Variants in HMCN1 observed in about 807,000 individuals in gnomAD.
HMCN1 encodes the protein hemicentin 1.
A neutral mutation model predicts 625.9 loss-of-function variants in HMCN1; 321 were observed. The observed-to-expected ratio is 0.51, with a 90% CI of 0.47 to 0.56. The LOEUF (loss-of-function observed/expected upper bound fraction) is 0.56. Ranked by LOEUF, HMCN1 falls within the 20% of genes least tolerant of loss-of-function variation. HMCN1 has a pLI of 0.00. For missense variants in HMCN1, 6,588 were observed against 6,887.3 expected, an observed-to-expected ratio of 0.96 and a Z score of 1.54; for synonymous variants, 2,425 against 2,417.6, an observed-to-expected ratio of 1.00 and a Z score of -0.09.
At chr1:186,140,268 T>C (rs374531506) in intron 89 of HMCN1, among the ~76,000 whole-genome samples, 3 of 152,202 alleles carry the variant, frequency 2.0e-5, no homozygotes, top group East Asian at 3.8e-4. Flanking sequence ...ATCACACTTG[T>C]ACTTATTTGT....
Position 186,190,039 on chromosome 1 carries a change from C to A in HMCN1, c.*161C>A, listed in dbSNP as rs1436735703. The A allele has an allele frequency of 2.5e-6, 2 of 787,234 alleles. No individual in the cohort carries two copies. The highest frequency in any genetic ancestry group is 4.3e-6 in the Non-Finnish European group (2 of 462,850). The allele number at this position is 787,234 out of a possible 1,614,324, so 48.8% of individuals were successfully genotyped here. A position where few individuals can be genotyped will look rare whatever the true frequency, so the allele number is the denominator to read the frequency against. On this transcript the variant is annotated 3_prime_UTR_variant, in exon 107 of 107. Coordinates refer to ENST00000271588, the MANE Select transcript of HMCN1 (RefSeq NM_031935.3). ...TTCCTTGGTACTTCTGAGGTATTTT[C>A]ATGATCCCACCATGGTCATATCTTG... is the stretch of plus-strand genomic sequence containing the variant.
Position 186,145,320 on chromosome 1 carries a change from T to A in HMCN1, c.14267-83T>A, listed in dbSNP as rs112253193. The stretch of plus-strand genomic sequence containing the variant: ...AGGTGCTGAGAAGAGACTTTTTTTT[T>A]AATACTTTTTGGATGAATGTCATTG... On this transcript the variant is annotated intron_variant, in intron 91 of 106. Transcript: ENST00000271588. 32 of 1,348,100 alleles carry A rather than the reference T, an allele frequency of 2.4e-5. No homozygotes were observed. The East Asian group carries it at 5.0e-4, about 21-fold the overall frequency. 83.5% of individuals were successfully genotyped at this position (1,348,100 alleles called of 1,614,324 possible).
intron 80 of HMCN1, among the ~76,000 whole-genome samples, chr1:186,122,315 G>T (rs957790832): frequency 2.6e-5 from 4 of 152,050 alleles, no homozygotes; most frequent in African/African-American, 9.7e-5. Context: ...ATAGTGATGC[G>T]TTACAACTGA....
At chr1:185,904,527 A>G (rs1215640281) in intron 4 of HMCN1, among the ~76,000 whole-genome samples, 2 of 151,816 alleles carry the variant, frequency 1.3e-5, no homozygotes, top group African/African-American at 4.8e-5. Flanking sequence ...ACCTGCATTA[A>G]ATTTTTGTTT....
chr1:185,881,700 A>G (rs1260206925), intron 4 of HMCN1, among the ~76,000 whole-genome samples: 1 of 152,162 alleles, frequency 6.6e-6, no homozygotes, highest in Non-Finnish European at 1.5e-5. Flanking sequence ...TTTATTAGAA[A>G]TGTAGAACAA....
intron 2 of HMCN1, among the ~76,000 whole-genome samples, chr1:185,859,084 T>C (rs1019605821): frequency 2.0e-5 from 3 of 148,028 alleles, no homozygotes; most frequent in Non-Finnish European, 4.5e-5. Context: ...TATGATAAAG[T>C]TTGATATATG....
rs1479537661 is a variant in HMCN1 at position 186,087,611 on chromosome 1, C to G, written c.9329C>G (p.Ala3110Gly). The change falls in exon 60 of 107, where the codon GCT becomes GGT. Residue 3110 changes from alanine to glycine, a missense_variant. Ala to Gly is a moderately conservative substitution (Grantham distance 60, BLOSUM62 0). Around this residue, in one of 3 missense-constraint regions of HMCN1, gnomAD observed 4,628 missense variants for 4,853.1 expected, o/e 0.95. Coordinates refer to ENST00000271588, the MANE Select transcript of HMCN1 (RefSeq NM_031935.3). ...ITESTHVEILADGQMLHIKKA... is the reference protein window; with the variant it reads ...ITESTHVEILGDGQMLHIKKA... ...GAGTCTACTCATGTGGAGATTTTAG[C>G]TGATGGACAAATGCTACACATTAAG... 2.5e-6 allele frequency: 4 copies of G among 1,613,078 alleles called. No individual in the cohort carries two copies. In the African/African-American group the frequency reaches 4.0e-5, roughly 16 times the overall value.
chr1:185,888,361 T>G (rs1664812343), intron 4 of HMCN1, among the ~76,000 whole-genome samples: 1 of 144,224 alleles, frequency 6.9e-6, no homozygotes, highest in Admixed American at 6.6e-5. Context: ...GCTTTTGGTG[T>G]TTTAGACATG....
chr1:186,148,935 C>CTTTTTTTTT (rs57126500), intron 93 of HMCN1, among the ~76,000 whole-genome samples: 1 of 143,304 alleles, frequency 7.0e-6, no homozygotes. Flanking sequence ...TGAAAGGAAT[C>CTTTTTTTTT]TTTTTTTTTT....
At chr1:185,844,400 A>G (rs376473428) in intron 1 of HMCN1, among the ~76,000 whole-genome samples, 6 of 152,310 alleles carry the variant, frequency 3.9e-5, no homozygotes, top group African/African-American at 1.4e-4. Flanking sequence ...GAAAAAGTAC[A>G]TGGGTTATGG....
chr1:185,802,280 T>G (rs1410910632), intron 1 of HMCN1, among the ~76,000 whole-genome samples: 1 of 152,044 alleles, frequency 6.6e-6, no homozygotes. Flanking sequence ...AGGGTAGAGG[T>G]GAAATGATAA....
intron 1 of HMCN1, among the ~76,000 whole-genome samples, chr1:185,772,312 G>A (rs1175895924): frequency 6.6e-6 from 1 of 152,160 alleles, no homozygotes; most frequent in Non-Finnish European, 1.5e-5. Flanking sequence ...CTCAAAACTG[G>A]AGGAAAGCCT....
Position 186,108,503 on chromosome 1 carries a change from CTG to C in HMCN1, c.10899_10900del (p.Leu3634ThrfsTer49). The C allele has an allele frequency of 1.9e-6, 3 of 1,614,180 alleles. No homozygotes were observed. The highest frequency in any genetic ancestry group is 2.5e-6 in the Non-Finnish European group (3 of 1,180,016). ...GGAACTGATGAGCCCCGGGATATCA[CTG>C]TGTTACGGAACAGACAAGTGACATT... On this transcript the variant is annotated frameshift_variant, in exon 71 of 107. Coordinates refer to ENST00000271588, the MANE Select transcript of HMCN1 (RefSeq NM_031935.3). LOFTEE classifies it high-confidence loss of function.
intron 11 of HMCN1, among the ~76,000 whole-genome samples, chr1:185,936,439 G>A (rs917111481): frequency 2.4e-4 from 37 of 151,982 alleles, no homozygotes; most frequent in Non-Finnish European, 5.0e-4. Flanking sequence ...TATATTTTAA[G>A]ATCACTGGAA....
intron 57 of HMCN1, 75 bp downstream of exon 57, chr1:186,083,036 G>A: frequency 2.6e-6 from 2 of 757,708 alleles, no homozygotes; most frequent in Non-Finnish European, 4.4e-6. Flanking sequence ...AGATTATGTA[G>A]GCTTATTTTG....
At chr1:185,799,894 T>C (rs879140725) in intron 1 of HMCN1, among the ~76,000 whole-genome samples, 3 of 152,164 alleles carry the variant, frequency 2.0e-5, no homozygotes, top group Admixed American at 2.0e-4. Context: ...CAGGAGTCCC[T>C]GTCCCATGTT....
chr1:185,932,197 A>G (rs1667584793), intron 10 of HMCN1, among the ~76,000 whole-genome samples: 1 of 152,202 alleles, frequency 6.6e-6, no homozygotes, highest in African/African-American at 2.4e-5. Flanking sequence ...TTTTTAAAAA[A>G]CATAACAAAA....
At chr1:186,163,506 T>C (rs11811575) in intron 97 of HMCN1, among the ~76,000 whole-genome samples, 13,415 of 152,216 alleles carry the variant, frequency 0.088, 1,602 homozygotes, top group African/African-American at 0.27. Flanking sequence ...GCCTTGCTCA[T>C]TCTGGGAGCT....
intron 1 of HMCN1, among the ~76,000 whole-genome samples, chr1:185,764,274 A>G (rs1279810160): frequency 6.6e-6 from 1 of 152,172 alleles, no homozygotes; most frequent in African/African-American, 2.4e-5. Flanking sequence ...GTATGTTTCA[A>G]CATGACAAAT....
Sources: gnomAD v4.1 joint callset for allele counts (sites outside exome capture counted in the v4.1 genomes callset) on GRCh38, gnomAD v4.1.1 for gene constraint, gnomAD v4.1.1 regional missense constraint, MANE v1.5 for transcripts, NCBI Gene and HGNC (gene_info 2026-07-23, HGNC 2026-07-21) for gene names.